Variants in RFX3 observed in about 807,000 individuals in gnomAD.
The protein encoded by RFX3 is transcription factor RFX3.
In RFX3, 14 loss-of-function variants were observed where a neutral mutation model predicts 98.6. The observed-to-expected ratio is 0.14, with a 90% CI of 0.09 to 0.22. RFX3 has a LOEUF of 0.22. Among genes scored for constraint, RFX3 ranks in the 10% least tolerant of loss-of-function variants. The pLI is 1.00. For missense variants in RFX3, 639 were observed against 926.9 expected, an observed-to-expected ratio of 0.69 and a Z score of 4.03; for synonymous variants, 383 against 328.4, an observed-to-expected ratio of 1.17 and a Z score of -1.80.
chr9:3,272,494 T>C (rs1220195186), intron 9 of RFX3, among the ~76,000 whole-genome samples: 1 of 152,090 alleles, frequency 6.6e-6, no homozygotes, highest in South Asian at 2.1e-4. Flanking sequence ...AAAATGAAGA[T>C]AGGGAGACAA....
At chr9:3,268,698 G>A (rs986558128) in intron 11 of RFX3, among the ~76,000 whole-genome samples, 2 of 151,926 alleles carry the variant, frequency 1.3e-5, no homozygotes, top group Non-Finnish European at 2.9e-5. Flanking sequence ...ACAAAGGCCA[G>A]TGTATTGTGT....
chr9:3,443,255 G>A (rs532761567), intron 1 of RFX3, among the ~76,000 whole-genome samples: 1 of 152,222 alleles, frequency 6.6e-6, no homozygotes, highest in South Asian at 2.1e-4. Flanking sequence ...TTGTTACATA[G>A]GTAAATGTGT....
chr9:3,273,586 G>T (rs1423135690), intron 9 of RFX3, among the ~76,000 whole-genome samples: 1 of 152,052 alleles, frequency 6.6e-6, no homozygotes, highest in Non-Finnish European at 1.5e-5. Flanking sequence ...ATTATAGGGT[G>T]GGCACAGTGG....
intron 2 of RFX3, among the ~76,000 whole-genome samples, chr9:3,357,341 T>C (rs1305941224): frequency 6.6e-6 from 1 of 151,986 alleles, no homozygotes; most frequent in Non-Finnish European, 1.5e-5. Context: ...AATTATCTCA[T>C]CAACCAATAG....
rs562433088 is a variant in RFX3 at position 3,221,030 on chromosome 9, T to C, written c.*4012A>G. On this transcript the variant is annotated 3_prime_UTR_variant, in exon 17 of 17. Coordinates refer to ENST00000617270, the MANE Select transcript of RFX3 (RefSeq NM_001282116.2). ...TCTCATCTCAATTTCTGGATGGTTG[T>C]TCTTTTCTCACCAAGAATGTGTGTG... The C allele has an allele frequency of 5.3e-5, 8 of 152,288 alleles. No individual in the cohort carries two copies. Among genetic ancestry groups the C allele is most frequent in the African/African-American group, 1.9e-4 (8 of 41,582 alleles). 9.4% of individuals were successfully genotyped at this position (152,288 alleles called of 1,614,324 possible).
At chr9:3,242,756 AT>A (rs1456479102) in intron 15 of RFX3, among the ~76,000 whole-genome samples, 2 of 151,924 alleles carry the variant, frequency 1.3e-5, no homozygotes, top group African/African-American at 4.8e-5. Flanking sequence ...AATCCAAGAC[AT>A]TTTTCTTTTG....
intron 1 of RFX3, among the ~76,000 whole-genome samples, chr9:3,520,825 C>A (rs1818636035): frequency 6.6e-6 from 1 of 152,136 alleles, no homozygotes; most frequent in Non-Finnish European, 1.5e-5. Context: ...CAGGCACGCA[C>A]CGGCAAGGCT....
chr9:3,463,008 T>A (rs1029884219), intron 1 of RFX3, among the ~76,000 whole-genome samples: 1 of 152,012 alleles, frequency 6.6e-6, no homozygotes, highest in Non-Finnish European at 1.5e-5. Flanking sequence ...ATCTACAGAG[T>A]CAATGCAATT....
chr9:3,496,830 A>C lies in RFX3; in HGVS notation c.-9+28917T>G, dbSNP rs1235628005. On this transcript the variant is annotated intron_variant, in intron 1 of 16. Coordinates refer to ENST00000617270, the MANE Select transcript of RFX3 (RefSeq NM_001282116.2). ...TAACACACTTCATGCAAGATGCATC[A>C]GATTAAAAAAATTACACTAAATATG... 2.6e-5 allele frequency among the ~76,000 whole-genome samples: 4 copies of C among 152,020 alleles called. No homozygotes were observed. The East Asian group carries it at 7.7e-4, about 29-fold the overall frequency.
intron 2 of RFX3, among the ~76,000 whole-genome samples, chr9:3,365,997 A>G (rs1009969674): frequency 2.0e-5 from 3 of 152,022 alleles, no homozygotes; most frequent in African/African-American, 7.2e-5. Context: ...TCAGTGGTGC[A>G]GCGGGCCCTG....
intron 1 of RFX3, among the ~76,000 whole-genome samples, chr9:3,404,808 C>G (rs956011168): frequency 2.6e-5 from 4 of 152,122 alleles, no homozygotes; most frequent in Admixed American, 1.3e-4. Context: ...AAAAACTCTT[C>G]TTTTTCCTTG....
intron 1 of RFX3, among the ~76,000 whole-genome samples, chr9:3,396,180 G>T (rs756146845): frequency 1.3e-5 from 2 of 151,602 alleles, no homozygotes; most frequent in African/African-American, 4.9e-5. Context: ...CTAATGCTAT[G>T]CCTCCCCCCT....
chr9:3,360,757 C>T (rs1025988010), intron 2 of RFX3, among the ~76,000 whole-genome samples: 3 of 152,150 alleles, frequency 2.0e-5, no homozygotes, highest in Admixed American at 6.5e-5. Context: ...CACAGGAAAA[C>T]GTGCTAGCTC....
At chr9:3,330,785 G>A (rs535589418) in intron 3 of RFX3, among the ~76,000 whole-genome samples, 1 of 152,224 alleles carries the variant, frequency 6.6e-6, no homozygotes, top group East Asian at 1.9e-4. Context: ...ATATAAATAA[G>A]CTCAGGTCTC....
chr9:3,325,996 T>C (rs554783481), intron 4 of RFX3, among the ~76,000 whole-genome samples: 3 of 152,144 alleles, frequency 2.0e-5, no homozygotes, highest in Non-Finnish European at 4.4e-5. Flanking sequence ...ATATTAACAA[T>C]AAACAGATCC....
At chr9:3,355,664 C>T (rs978477406) in intron 2 of RFX3, among the ~76,000 whole-genome samples, 3 of 151,756 alleles carry the variant, frequency 2.0e-5, no homozygotes, top group African/African-American at 7.3e-5. Flanking sequence ...ATTGAGAATA[C>T]AGAAATTATC....
chr9:3,344,617 T>C, intron 3 of RFX3: 1 of 539,810 alleles, frequency 1.9e-6, no homozygotes, highest in Non-Finnish European at 3.3e-6. Context: ...CCTTTTCCCT[T>C]GTCACATTCT....
chr9:3,247,648 A>G, intron 15 of RFX3: 2 of 1,392,694 alleles, frequency 1.4e-6, no homozygotes, highest in Non-Finnish European at 1.9e-6. Flanking sequence ...AGACCGGGAA[A>G]GAGTCTACAA....
intron 1 of RFX3, among the ~76,000 whole-genome samples, chr9:3,432,768 T>A (rs1485244358): frequency 2.0e-5 from 3 of 152,108 alleles, no homozygotes; most frequent in Non-Finnish European, 4.4e-5. Context: ...AATTAGACAA[T>A]ATGGCAGAAG....
Sources: gnomAD v4.1 joint callset for allele counts (sites outside exome capture counted in the v4.1 genomes callset) on GRCh38, gnomAD v4.1.1 for gene constraint, MANE v1.5 for transcripts, NCBI Gene and HGNC (gene_info 2026-07-23, HGNC 2026-07-21) for gene names.